DCC: variants seen among roughly 807,000 people sequenced by gnomAD.
DCC encodes the protein DCC netrin 1 receptor.
A neutral mutation model predicts 172.5 loss-of-function variants in DCC; 58 were observed. The observed-to-expected ratio is 0.34, with a 90% confidence interval of 0.27 to 0.42. The LOEUF (loss-of-function observed/expected upper bound fraction) is 0.42, where lower values mean the gene tolerates loss of function less well. Among genes scored for constraint, DCC ranks in the 10% least tolerant of loss-of-function variants. The probability of loss-of-function intolerance (pLI) is 1.00; values close to 1 mark genes in which losing one functional copy is unlikely to be tolerated. For synonymous variants in DCC, 709 were observed against 644.5 expected (o/e 1.10, Z -1.52); for missense variants, 1,740 against 1,791.0 (o/e 0.97, Z 0.51).
At chr18:52,512,277 C>T (rs2031469889) in intron 1 of DCC, among the ~76,000 whole-genome samples, 1 of 152,152 alleles carries the variant, frequency 6.6e-6, no homozygotes, top group Admixed American at 6.5e-5. Context: ...ATCTACATTT[C>T]CTCCTTAGCT....
intron 7 of DCC, among the ~76,000 whole-genome samples, chr18:53,071,965 C>G (rs371731866): frequency 6.6e-6 from 1 of 152,084 alleles, no homozygotes; most frequent in South Asian, 2.1e-4. Flanking sequence ...CCCATCTCTA[C>G]TAAAAATACA....
chr18:53,029,308 T>C (rs559728193), intron 5 of DCC, among the ~76,000 whole-genome samples: 1 of 152,330 alleles, frequency 6.6e-6, no homozygotes, highest in East Asian at 1.9e-4. Flanking sequence ...AATAAATTTC[T>C]ATTGCTTCAT....
chr18:52,353,955 C>G (rs1461562673), intron 1 of DCC, among the ~76,000 whole-genome samples: 1 of 152,132 alleles, frequency 6.6e-6, no homozygotes, highest in Non-Finnish European at 1.5e-5. Context: ...TGAACTGCCT[C>G]TCAGCGAAAC....
At chr18:53,424,679 G>T (rs989331138) in intron 21 of DCC, among the ~76,000 whole-genome samples, 24 of 152,080 alleles carry the variant, frequency 1.6e-4, no homozygotes, top group African/African-American at 5.6e-4. Context: ...AGAAATTCTA[G>T]GATGGAAAAG....
intron 12 of DCC, among the ~76,000 whole-genome samples, chr18:53,269,557 G>A (rs2056724282): frequency 6.6e-6 from 1 of 152,168 alleles, no homozygotes; most frequent in Non-Finnish European, 1.5e-5. Context: ...AAGAATAATA[G>A]TCGTAATATT....
intron 7 of DCC, among the ~76,000 whole-genome samples, chr18:53,143,520 A>G (rs1657772443): frequency 6.6e-6 from 1 of 152,230 alleles, no homozygotes; most frequent in South Asian, 2.1e-4. Flanking sequence ...GAGAGGGGTG[A>G]AGTCACCTCT....
intron 1 of DCC, among the ~76,000 whole-genome samples, chr18:52,510,641 AC>A (rs1206948710): frequency 1.3e-5 from 2 of 152,026 alleles, no homozygotes; most frequent in African/African-American, 4.8e-5. Context: ...AACTGAGGAA[AC>A]CTCTAATTAA....
intron 1 of DCC, among the ~76,000 whole-genome samples, chr18:52,511,577 T>C (rs1225574220): frequency 6.6e-6 from 1 of 152,068 alleles, no homozygotes; most frequent in Non-Finnish European, 1.5e-5. Context: ...GTGCTACTGG[T>C]GTCTAATAAG....
intron 25 of DCC, among the ~76,000 whole-genome samples, chr18:53,483,179 T>C (rs1050661714): frequency 3.9e-5 from 6 of 152,000 alleles, no homozygotes; most frequent in African/African-American, 1.4e-4. Flanking sequence ...TGATTCTTTT[T>C]AAAAGTTTCC....
At chr18:53,071,793 T>A (rs939442595) in intron 7 of DCC, among the ~76,000 whole-genome samples, 8 of 152,190 alleles carry the variant, frequency 5.3e-5, no homozygotes, top group African/African-American at 1.9e-4. Context: ...TTACTGCAAG[T>A]ATACTATTCA....
At chr18:53,184,694 A>T (rs149437286) in intron 9 of DCC, among the ~76,000 whole-genome samples, 1 of 152,120 alleles carries the variant, frequency 6.6e-6, no homozygotes, top group Non-Finnish European at 1.5e-5. Flanking sequence ...AGGCGATAGA[A>T]ATTTTTCAAC....
At chr18:52,596,744 G>A (rs1486417100) in intron 1 of DCC, among the ~76,000 whole-genome samples, 2 of 152,196 alleles carry the variant, frequency 1.3e-5, no homozygotes, top group African/African-American at 2.4e-5. Context: ...CTGTCAATGA[G>A]GTTGCTGGCT....
At position 52,833,953 on chromosome 18, in the gene DCC, T is replaced by C. The variant is rs887539419; in HGVS notation, c.413-72091T>C. ...TACTGAGATTACACTGAAGATGGTT[T>C]TACCTCCTAGTAGAAATAAGCAGGT... On this transcript the variant is annotated intron_variant, in intron 2 of 28. Transcript: ENST00000442544. Among the ~76,000 whole-genome samples the C allele has an allele frequency of 1.2e-4, 18 of 151,196 alleles. 1 individual carries two copies. Among genetic ancestry groups the C allele is most frequent in the African/African-American group, 4.4e-4 (18 of 40,822 alleles).
chr18:53,257,945 C>T (rs1359098251), intron 12 of DCC, among the ~76,000 whole-genome samples: 5 of 151,850 alleles, frequency 3.3e-5, no homozygotes, highest in African/African-American at 4.8e-5. Context: ...CTTGGGAGGG[C>T]GTATGTGTGG....
At chr18:52,782,607 C>T (rs1257069418) in intron 2 of DCC, among the ~76,000 whole-genome samples, 4 of 152,186 alleles carry the variant, frequency 2.6e-5, no homozygotes, top group Middle Eastern at 3.4e-3. Flanking sequence ...ATACGCTGAC[C>T]TCTGGAATCT....
intron 8 of DCC, among the ~76,000 whole-genome samples, chr18:53,160,049 G>C (rs2144405439): frequency 6.6e-6 from 1 of 152,050 alleles, no homozygotes; most frequent in Non-Finnish European, 1.5e-5. Flanking sequence ...GAAGGGGAAG[G>C]AGAAATTGTT....
chr18:52,648,129 T>C (rs1335532211), intron 1 of DCC, among the ~76,000 whole-genome samples: 1 of 152,210 alleles, frequency 6.6e-6, no homozygotes, highest in African/African-American at 2.4e-5. Flanking sequence ...GGGGTGTTAC[T>C]TAGATATTGA....
chr18:52,636,351 A>G (rs1237773038), intron 1 of DCC, among the ~76,000 whole-genome samples: 2 of 148,562 alleles, frequency 1.3e-5, no homozygotes, highest in African/African-American at 5.0e-5. Flanking sequence ...AACTTGGGGG[A>G]GGGCACGAAT....
chr18:53,228,848 C>A (rs1038315566), intron 12 of DCC, among the ~76,000 whole-genome samples: 1 of 152,136 alleles, frequency 6.6e-6, no homozygotes, highest in Admixed American at 6.6e-5. Flanking sequence ...TCCCCTAACA[C>A]ACACTCTTCT....
Sources: gnomAD v4.1 joint callset for allele counts (sites outside exome capture counted in the v4.1 genomes callset) on GRCh38, gnomAD v4.1.1 for gene constraint, MANE v1.5 for transcripts, NCBI Gene and HGNC (gene_info 2026-07-23, HGNC 2026-07-21) for gene names.